The following FAF1 variants were observed in gnomAD, a reference collection of about 807,000 sequenced individuals.
FAF1 encodes the protein FAS-associated factor 1.
Under a neutral mutation model 92.5 loss-of-function variants are expected in FAF1, and 25 were observed. That is an observed-to-expected ratio of 0.27 (90% CI 0.20 to 0.38). FAF1 has a LOEUF of 0.38. FAF1 is among the 10% of genes least tolerant of loss of function. The probability of loss-of-function intolerance (pLI) is 1.00; values close to 1 mark genes in which losing one functional copy is unlikely to be tolerated. For missense variants in FAF1, 636 were observed against 793.3 expected (o/e 0.80, Z 2.38); for synonymous variants, 234 against 273.2 (o/e 0.86, Z 1.42).
intron 18 of FAF1, among the ~76,000 whole-genome samples, chr1:50,442,683 A>C (rs1646183810): frequency 6.6e-6 from 1 of 152,120 alleles, no homozygotes; most frequent in Non-Finnish European, 1.5e-5. Flanking sequence ...TGCTCCTAAT[A>C]AGATGGTTCT....
intron 1 of FAF1, among the ~76,000 whole-genome samples, chr1:50,934,686 T>G (rs1645072897): frequency 1.3e-5 from 2 of 152,208 alleles, no homozygotes; most frequent in African/African-American, 4.8e-5. Context: ...TTCACACCAC[T>G]GCACTCCAGC....
At chr1:50,882,293 C>T (rs1049867073) in intron 1 of FAF1, among the ~76,000 whole-genome samples, 2 of 152,062 alleles carry the variant, frequency 1.3e-5, no homozygotes, top group Non-Finnish European at 2.9e-5. Flanking sequence ...TAAGTTGCTG[C>T]ATTAAATATA....
chr1:50,596,300 A>C, intron 8 of FAF1, 84 bp from the exon 9 acceptor site: 1 of 949,472 alleles, frequency 1.1e-6, no homozygotes, highest in South Asian at 1.4e-5. Flanking sequence ...ATTTTCTATT[A>C]TTGCTGAAGC....
In FAF1 at chr1:50,650,893, G is replaced by A. The variant is rs369730499; in HGVS notation, c.744+4549C>T. ...ATGAAAACATTTTCCTACTGGTAAA[G>A]CTTTAGATACCTATTTCCCTGATCA... On this transcript the variant is annotated intron_variant, in intron 8 of 18. Transcript: ENST00000396153. 2.0e-4 allele frequency among the ~76,000 whole-genome samples: 30 copies of A among 152,298 alleles called. No homozygotes were observed. The South Asian group carries it at 4.6e-3, about 23-fold the overall frequency.
chr1:50,564,484 C>T (rs970547164), intron 13 of FAF1, among the ~76,000 whole-genome samples: 6 of 152,066 alleles, frequency 3.9e-5, no homozygotes, highest in Non-Finnish European at 1.5e-5. Flanking sequence ...TTTCAGCTTG[C>T]TAATCATATG....
intron 4 of FAF1, among the ~76,000 whole-genome samples, chr1:50,786,238 A>AG (rs1185983565): frequency 6.6e-6 from 1 of 152,250 alleles, no homozygotes; most frequent in East Asian, 1.9e-4. Flanking sequence ...GACTAAAAAA[A>AG]ATGTGATATA....
In FAF1 at chr1:50,582,623, G is replaced by A. The variant is rs1651043913; in HGVS notation, c.1108C>T (p.Arg370Ter). Reference sequence around the variant, plus strand: ...AAAGGTCAAACTGTACTTACATCTCGGGCTTTCACATAGAAGGCCTCTTGA... The same window carrying A: ...AAAGGTCAAACTGTACTTACATCTCAGGCTTTCACATAGAAGGCCTCTTGA... ...AFQEAFYVKA[R>*]DRKLLAIYLH... The change falls in exon 12 of 19, where the codon CGA becomes TGA. Residue 370 changes from arginine to a stop codon, truncating the protein, a stop_gained. Transcript: ENST00000396153. LOFTEE classifies it high-confidence loss of function. The A allele has an allele frequency of 6.2e-7, 1 of 1,606,580 alleles. No individual in the cohort carries two copies. The highest frequency in any genetic ancestry group is 8.5e-7 in the Non-Finnish European group (1 of 1,173,414).
chr1:50,816,060 C>T (rs1643970136), intron 2 of FAF1, among the ~76,000 whole-genome samples: 1 of 151,028 alleles, frequency 6.6e-6, no homozygotes, highest in Non-Finnish European at 1.5e-5. Flanking sequence ...AAAAGCCATT[C>T]TTCCTGGTGT....
intron 2 of FAF1, among the ~76,000 whole-genome samples, chr1:50,834,475 G>A (rs1436419790): frequency 6.6e-6 from 1 of 152,156 alleles, no homozygotes; most frequent in African/African-American, 2.4e-5. Context: ...AAGAGGTCAG[G>A]AAACACTTAA....
chr1:50,759,539 T>A (rs1333139638), intron 4 of FAF1, among the ~76,000 whole-genome samples: 1 of 152,058 alleles, frequency 6.6e-6, no homozygotes, highest in Non-Finnish European at 1.5e-5. Context: ...ATTTTCTTAA[T>A]CCAGTTTATC....
At chr1:50,695,271 G>C (rs1468723068) in intron 7 of FAF1, among the ~76,000 whole-genome samples, 2 of 151,628 alleles carry the variant, frequency 1.3e-5, no homozygotes, top group African/African-American at 4.8e-5. Flanking sequence ...AGCCAGGCAT[G>C]GTTGCATGCA....
intron 2 of FAF1, among the ~76,000 whole-genome samples, chr1:50,810,394 A>G (rs1569984676): frequency 6.6e-6 from 1 of 152,362 alleles, no homozygotes; most frequent in East Asian, 1.9e-4. Context: ...CATGTTAAAA[A>G]ACCCTCAACA....
chr1:50,842,507 C>A (rs917587581), intron 2 of FAF1, among the ~76,000 whole-genome samples: 3 of 152,096 alleles, frequency 2.0e-5, no homozygotes, highest in Admixed American at 6.6e-5. Context: ...ATTCTTGCCA[C>A]ACACAAAATT....
chr1:50,615,616 G>C (rs1652879193), intron 8 of FAF1, among the ~76,000 whole-genome samples: 1 of 152,082 alleles, frequency 6.6e-6, no homozygotes, highest in Admixed American at 6.5e-5. Flanking sequence ...GCATTCCTCT[G>C]ATGATTAGCA....
intron 6 of FAF1, among the ~76,000 whole-genome samples, chr1:50,728,481 A>G (rs1658756361): frequency 6.6e-6 from 1 of 152,132 alleles, no homozygotes; most frequent in Non-Finnish European, 1.5e-5. Flanking sequence ...GATTTTTATT[A>G]GAAGTGTAAT....
chr1:50,615,001 G>A lies in FAF1; in HGVS notation c.745-18785C>T, dbSNP rs565593893. Among the ~76,000 whole-genome samples the A allele has an allele frequency of 2.6e-5, 4 of 152,294 alleles. No homozygotes were observed. In the South Asian group the frequency reaches 8.3e-4, roughly 32 times the overall value. ...TGGGTATATTGCACCCAGGTAGTGA[G>A]CATACTACCCAATAGGTAGTTTTAC... On this transcript the variant is annotated intron_variant, in intron 8 of 18. Transcript: ENST00000396153.
At chr1:50,504,230 G>A (rs1441283369) in intron 15 of FAF1, among the ~76,000 whole-genome samples, 1 of 151,568 alleles carries the variant, frequency 6.6e-6, no homozygotes, top group Non-Finnish European at 1.5e-5. Context: ...TAAGAGATGT[G>A]GAAGATACAG....
At chr1:50,811,368 AC>A (rs2124605756) in intron 2 of FAF1, among the ~76,000 whole-genome samples, 1 of 152,178 alleles carries the variant, frequency 6.6e-6, no homozygotes, top group African/African-American at 2.4e-5. Context: ...AACAAGAACA[AC>A]AAAACCAATA....
chr1:50,928,782 CAAAA>C (rs1157426126), intron 1 of FAF1, among the ~76,000 whole-genome samples: 18 of 39,702 alleles, frequency 4.5e-4, no homozygotes, highest in Non-Finnish European at 8.4e-4. Context: ...GACTCCACCT[CAAAA>C]AAAAAAAAAA....
Sources: allele counts gnomAD v4.1 joint callset (sites outside exome capture counted in the v4.1 genomes callset), GRCh38; gene constraint gnomAD v4.1.1; transcripts MANE v1.5; gene names NCBI Gene and HGNC (gene_info 2026-07-23, HGNC 2026-07-21).